The following CD2 variants were observed in gnomAD, a reference collection of about 807,000 sequenced individuals.
CD2 encodes the protein CD2 molecule.
In CD2, 18 loss-of-function variants were observed where a neutral mutation model predicts 23.2. The observed-to-expected ratio is 0.77, with a 90% CI of 0.54 to 1.15. The LOEUF is 1.15. Ranked by LOEUF, CD2 falls within the 50% of genes most tolerant of loss-of-function variation. The pLI, the probability that CD2 is intolerant of heterozygous loss-of-function variation, is 0.00. For synonymous variants in CD2, 162 were observed against 151.9 expected (o/e 1.07, Z -0.49); for missense variants, 424 against 423.1 (o/e 1.00, Z -0.02).
At chr1:116,768,422 C>T (rs770748992) in intron 4 of CD2, 42 bp from the exon 5 acceptor site, 5 of 1,576,204 alleles carry the variant, frequency 3.2e-6, no homozygotes, top group Non-Finnish European at 2.6e-6. Flanking sequence ...ACATTGATTT[C>T]ACCTGGCCAA....
At chr1:116,760,030 C>T (rs1027392338) in intron 2 of CD2, among the ~76,000 whole-genome samples, 2 of 152,088 alleles carry the variant, frequency 1.3e-5, no homozygotes, top group Admixed American at 6.5e-5. Context: ...AGGTGGTGCC[C>T]CAAGACCACC....
chr1:116,755,518 G>A (rs1009338404), intron 2 of CD2, among the ~76,000 whole-genome samples: 5 of 152,240 alleles, frequency 3.3e-5, no homozygotes, highest in Non-Finnish European at 5.9e-5. Flanking sequence ...TGCACAAGGT[G>A]TGGCTTTGTA....
Position 116,754,909 on chromosome 1 carries a change from G to A in CD2, c.340G>A (p.Gly114Arg). ...CAAGGTATCAATATATGATACAAAAGGAAAAAATGTGTTGGAAAAAATATT... is the reference window on the plus strand; with the variant it reads ...CAAGGTATCAATATATGATACAAAAAGAAAAAATGTGTTGGAAAAAATATT... Reference protein sequence around the residue: ...IYKVSIYDTKGKNVLEKIFDL... With the variant: ...IYKVSIYDTKRKNVLEKIFDL... Residue 114 changes from glycine (G) to arginine (R), a missense_variant, in exon 2 of 5, where the codon GGA becomes AGA. Physicochemically the swap from Gly to Arg is moderately radical, Grantham distance 125. Coordinates refer to ENST00000369478, the MANE Select transcript of CD2 (RefSeq NM_001767.5). 1.9e-6 allele frequency: 3 copies of A among 1,597,988 alleles called. No homozygotes were observed. The highest frequency in any genetic ancestry group is 1.4e-5 in the African/African-American group (1 of 73,928).
Position 116,760,414 on chromosome 1 carries a change from A to T in CD2, c.395A>T (p.Lys132Ile). 6.2e-7 allele frequency: 1 copy of T among 1,613,906 alleles called. No individual in the cohort carries two copies. Among genetic ancestry groups the T allele is most frequent in the Non-Finnish European group, 8.5e-7 (1 of 1,179,924 alleles). ...FDLKIQERVS[K>I]PKISWTCINT... Reference sequence around the variant, plus strand: ...ACTTTCTTTTTAGAGAGGGTCTCAAAACCAAAGATCTCCTGGACTTGTATC... The same window carrying T: ...ACTTTCTTTTTAGAGAGGGTCTCAATACCAAAGATCTCCTGGACTTGTATC... The change falls in exon 3 of 5, where the codon AAA (lysine) becomes ATA (isoleucine). Residue 132 changes from lysine to isoleucine, a missense_variant. By Grantham distance (102) the Lys-to-Ile change is moderately radical. Coordinates refer to ENST00000369478, the MANE Select transcript of CD2 (RefSeq NM_001767.5).
At chr1:116,758,378 G>A (rs373163718) in intron 2 of CD2, among the ~76,000 whole-genome samples, 85 of 152,048 alleles carry the variant, frequency 5.6e-4, no homozygotes, top group South Asian at 3.6e-3. Flanking sequence ...AGAAAATGTC[G>A]CCAGAAGCAG....
chr1:116,767,313 G>T (rs1652244473), intron 4 of CD2, among the ~76,000 whole-genome samples: 1 of 152,134 alleles, frequency 6.6e-6, no homozygotes, highest in East Asian at 1.9e-4. Context: ...AATTATTTCA[G>T]CTGGGTGCGG....
chr1:116,764,092 T>G (rs1426662380), intron 3 of CD2, among the ~76,000 whole-genome samples: 1 of 151,680 alleles, frequency 6.6e-6, no homozygotes, highest in Non-Finnish European at 1.5e-5. Context: ...ACAGATATTG[T>G]GTGGCTTCGG....
At chr1:116,767,991 C>T (rs998935051) in intron 4 of CD2, among the ~76,000 whole-genome samples, 1 of 152,226 alleles carries the variant, frequency 6.6e-6, no homozygotes, top group Non-Finnish European at 1.5e-5. Context: ...AACCTCTTGC[C>T]GGAAGGTGGA....
chr1:116,759,283 A>G (rs1294688670), intron 2 of CD2, among the ~76,000 whole-genome samples: 1 of 152,160 alleles, frequency 6.6e-6, no homozygotes, highest in Non-Finnish European at 1.5e-5. Context: ...AAGTTTGACT[A>G]TGGTGTTCCA....
intron 4 of CD2, among the ~76,000 whole-genome samples, chr1:116,765,999 C>T (rs965624008): frequency 6.6e-6 from 1 of 152,236 alleles, no homozygotes; most frequent in Non-Finnish European, 1.5e-5. Context: ...ATCCTATGGC[C>T]AGTAGGTTGA....
chr1:116,763,747 C>T (rs1652126325), intron 3 of CD2, among the ~76,000 whole-genome samples: 1 of 152,140 alleles, frequency 6.6e-6, no homozygotes, highest in African/African-American at 2.4e-5. Flanking sequence ...AAAGCCTAGA[C>T]CAAACCCATT....
At chr1:116,766,129 C>T (rs1652207896) in intron 4 of CD2, among the ~76,000 whole-genome samples, 1 of 152,254 alleles carries the variant, frequency 6.6e-6, no homozygotes, top group Admixed American at 6.5e-5. Flanking sequence ...GTCAGCCTCG[C>T]TTGCCTCATT....
Position 116,754,531 on chromosome 1 carries a change from G to C in CD2, c.39G>C (p.Leu13=), listed in dbSNP as rs535708819. 9 of 1,614,018 alleles carry C rather than the reference G, an allele frequency of 5.6e-6. No individual in the cohort carries two copies. The highest frequency in any genetic ancestry group is 7.6e-6 in the Non-Finnish European group (9 of 1,180,012). The part of the protein sequence containing the change: ...FPCKFVASFL[L]IFNVSSKGAV... ...GTAAATTTGTAGCCAGCTTCCTTCTGATTTTCAATGTTTCTTCCAAAGGTA... is the reference window on the plus strand; with the variant it reads ...GTAAATTTGTAGCCAGCTTCCTTCTCATTTTCAATGTTTCTTCCAAAGGTA... Residue 13 remains leucine, a synonymous_variant, in exon 1 of 5, where the codon CTG becomes CTC. Transcript: ENST00000369478.
intron 3 of CD2, among the ~76,000 whole-genome samples, chr1:116,760,958 G>A (rs1652030995): frequency 6.6e-6 from 1 of 152,190 alleles, no homozygotes. Context: ...TCCAGAGAGG[G>A]AAACTGACTT....
At position 116,769,053 on chromosome 1, in the gene CD2, A is replaced by C. The variant is rs1325627967; in HGVS notation, c.*270A>C. 2.4e-6 allele frequency: 1 copy of C among 419,170 alleles called. No individual in the cohort carries two copies. Among genetic ancestry groups the C allele is most frequent in the Non-Finnish European group, 4.2e-6 (1 of 235,478 alleles). 26.0% of individuals were successfully genotyped at this position (419,170 alleles called of 1,614,324 possible). A position where few individuals can be genotyped will look rare whatever the true frequency, so the allele number is the denominator to read the frequency against. Reference sequence around the variant, plus strand: ...GTAGAGGACCGAGCACAGAAATCTTAGAGATTTCTTGTCCCCTCTCAGGTC... The same window carrying C: ...GTAGAGGACCGAGCACAGAAATCTTCGAGATTTCTTGTCCCCTCTCAGGTC... On this transcript the variant is annotated 3_prime_UTR_variant, in exon 5 of 5. Transcript: ENST00000369478.
intron 2 of CD2, among the ~76,000 whole-genome samples, chr1:116,756,205 G>A (rs1476364789): frequency 6.6e-6 from 1 of 152,162 alleles, no homozygotes; most frequent in Non-Finnish European, 1.5e-5. Context: ...GGTTGAGCAT[G>A]GCGCTGAAAA....
At position 116,768,704 on chromosome 1, in the gene CD2, C is replaced by T. The variant is rs766235998; in HGVS notation, c.977C>T (p.Pro326Leu). The T allele has an allele frequency of 1.6e-5, 26 of 1,614,016 alleles. No individual in the cohort carries two copies. In the East Asian group the frequency reaches 2.2e-4, roughly 14 times the overall value. ...SGTQVHQQKG[P>L]PLPRPRVQPK... ...ACACAAGTTCACCAGCAGAAAGGCC[C>T]GCCCCTCCCCAGACCTCGAGTTCAG... The change falls in exon 5 of 5, where the codon CCG becomes CTG. Residue 326 changes from proline (P) to leucine (L), a missense_variant. Pro to Leu is a moderately conservative substitution (Grantham distance 98). Transcript: ENST00000369478.
At chr1:116,761,115 C>A (rs1652037191) in intron 3 of CD2, among the ~76,000 whole-genome samples, 1 of 152,130 alleles carries the variant, frequency 6.6e-6, no homozygotes, top group South Asian at 2.1e-4. Flanking sequence ...GCCCTTGAGG[C>A]CAAAGAGGAC....
chr1:116,762,613 A>G (rs1652091251), intron 3 of CD2, among the ~76,000 whole-genome samples: 1 of 152,224 alleles, frequency 6.6e-6, no homozygotes, highest in Non-Finnish European at 1.5e-5. Context: ...GAGTGTTTAC[A>G]TACTTAAAAT....
Sources: gnomAD v4.1 joint callset for allele counts (sites outside exome capture counted in the v4.1 genomes callset) on GRCh38, gnomAD v4.1.1 for gene constraint, MANE v1.5 for transcripts, NCBI Gene and HGNC (gene_info 2026-07-23, HGNC 2026-07-21) for gene names.